The following OXR1 variants were observed in gnomAD, a reference collection of about 807,000 sequenced individuals.
OXR1 encodes oxidation resistance 1.
In OXR1, 41 loss-of-function variants were observed where a neutral mutation model predicts 104.6. The observed-to-expected ratio is 0.39, with a 90% CI of 0.31 to 0.51. The LOEUF (loss-of-function observed/expected upper bound fraction) is 0.51, where lower values mean the gene tolerates loss of function less well. OXR1 is among the 20% of genes least tolerant of loss of function. The probability of loss-of-function intolerance (pLI) is 0.77; values close to 1 mark genes in which losing one functional copy is unlikely to be tolerated. For missense variants in OXR1, 955 were observed against 1,031.9 expected (o/e 0.93, Z 1.02); for synonymous variants, 348 against 348.4 (o/e 1.00, Z 0.01).
rs370391252 is a variant in OXR1, at chr8:106,373,569, C to T, written c.23+13933C>T. Among the ~76,000 whole-genome samples, 273 of 152,246 alleles carry T rather than the reference C, an allele frequency of 1.8e-3. No homozygotes were observed. In the Middle Eastern group the frequency reaches 0.02, roughly 11 times the overall value. ...GTAAAATATGGTTTCTTCTATGGTA[C>T]TGGTTATAGATGGAAGATAGGGTGT... On this transcript the variant is annotated intron_variant, in intron 2 of 16. Coordinates refer to ENST00000517566, the MANE Select transcript of OXR1 (RefSeq NM_001198533.2).
At chr8:106,698,024 G>A (rs1830228573) in intron 7 of OXR1, 1 of 1,601,694 alleles carries the variant, frequency 6.2e-7, no homozygotes, top group South Asian at 1.1e-5. Context: ...TCCAATGGGT[G>A]GCGGTGGCTG....
intron 2 of OXR1, among the ~76,000 whole-genome samples, chr8:106,421,215 T>C (rs1818891357): frequency 6.6e-6 from 1 of 152,128 alleles, no homozygotes; most frequent in African/African-American, 2.4e-5. Flanking sequence ...ACACATTCTA[T>C]AGAACACTAG....
intron 3 of OXR1, among the ~76,000 whole-genome samples, chr8:106,591,788 C>G (rs1035896950): frequency 6.6e-6 from 1 of 152,196 alleles, no homozygotes; most frequent in Non-Finnish European, 1.5e-5. Flanking sequence ...GAATTGAAAA[C>G]TCCATTTTTA....
At chr8:106,522,283 G>A (rs1813318280) in intron 3 of OXR1, among the ~76,000 whole-genome samples, 1 of 152,050 alleles carries the variant, frequency 6.6e-6, no homozygotes, top group Non-Finnish European at 1.5e-5. Flanking sequence ...ATATAAAATG[G>A]CATAATATAT....
At chr8:106,406,720 C>T (rs1395859332) in intron 2 of OXR1, among the ~76,000 whole-genome samples, 1 of 152,016 alleles carries the variant, frequency 6.6e-6, no homozygotes, top group Non-Finnish European at 1.5e-5. Flanking sequence ...AGGTAGAGTA[C>T]AGAGGATTTT....
Position 106,692,801 on chromosome 8 carries a change from C to A in OXR1, c.599C>A (p.Ser200Tyr), listed in dbSNP as rs374941746. The change falls in exon 7 of 17, where the codon TCT (serine) becomes TAT (tyrosine). Residue 200 changes from serine (S) to tyrosine (Y), a missense_variant. By Grantham distance (144) the Ser-to-Tyr change is moderately radical. Coordinates refer to ENST00000517566, the MANE Select transcript of OXR1 (RefSeq NM_001198533.2). ...FTGIRPARVV[S>Y]STSEEEEAFT... ...GGTATTCGACCTGCACGAGTTGTAT[C>A]TTCAACTTCTGAGGAGGAGGAAGCA... The A allele has an allele frequency of 6.2e-7, 1 of 1,601,834 alleles. No individual in the cohort carries two copies. Among genetic ancestry groups the A allele is most frequent in the Non-Finnish European group, 8.5e-7 (1 of 1,171,264 alleles).
intron 1 of OXR1, among the ~76,000 whole-genome samples, chr8:106,302,902 C>T (rs1229288379): frequency 6.6e-6 from 1 of 151,596 alleles, no homozygotes; most frequent in Non-Finnish European, 1.5e-5. Context: ...CAGGCGCCCG[C>T]CACCAGGCCC....
intron 1 of OXR1, among the ~76,000 whole-genome samples, chr8:106,275,649 A>G (rs1812006277): frequency 1.3e-5 from 2 of 152,190 alleles, no homozygotes; most frequent in Admixed American, 1.3e-4. Flanking sequence ...AATATTGATA[A>G]GATGGCAGCT....
intron 2 of OXR1, among the ~76,000 whole-genome samples, chr8:106,394,239 C>G (rs1376634730): frequency 6.7e-6 from 1 of 150,090 alleles, no homozygotes; most frequent in Non-Finnish European, 1.5e-5. Context: ...AAGATGAAAT[C>G]TTTAAAATTA....
At chr8:106,347,285 T>C (rs528170620) in intron 1 of OXR1, among the ~76,000 whole-genome samples, 1 of 152,340 alleles carries the variant, frequency 6.6e-6, no homozygotes, top group Admixed American at 6.5e-5. Context: ...TTGTGATCCG[T>C]ATTTGTGAAA....
At chr8:106,447,884 C>A in intron 2 of OXR1, 1 of 1,493,988 alleles carries the variant, frequency 6.7e-7, no homozygotes, top group Non-Finnish European at 8.9e-7. Context: ...AGCCCCACCC[C>A]CCAACAGCCG....
intron 1 of OXR1, among the ~76,000 whole-genome samples, chr8:106,291,219 A>C (rs1812737192): frequency 6.6e-6 from 1 of 152,204 alleles, no homozygotes; most frequent in Non-Finnish European, 1.5e-5. Context: ...TTCACTTATA[A>C]ATTGGAGCTA....
chr8:106,427,222 A>T (rs983843854), intron 2 of OXR1, among the ~76,000 whole-genome samples: 2 of 152,052 alleles, frequency 1.3e-5, no homozygotes, highest in Non-Finnish European at 2.9e-5. Context: ...CCCAGGCTGG[A>T]GTGCAGTGGC....
intron 9 of OXR1, among the ~76,000 whole-genome samples, chr8:106,710,041 C>T (rs1349173615): frequency 7.9e-5 from 12 of 152,038 alleles, no homozygotes; most frequent in South Asian, 2.1e-4. Context: ...TATATTCAGA[C>T]CCTCAGTATA....
intron 3 of OXR1, among the ~76,000 whole-genome samples, chr8:106,585,096 C>T (rs1292338181): frequency 6.6e-6 from 1 of 152,002 alleles, no homozygotes. Flanking sequence ...ATGGTTATTC[C>T]TTCATCATCT....
At position 106,594,500 on chromosome 8, in the gene OXR1, C is replaced by CT. The variant is rs202091666; in HGVS notation, c.220+75362dup. ...AGCCTTGGGAACCCACCCTTAACTG[C>CT]TGCTTTTGTTTTCAGAACCTTATTA... On this transcript the variant is annotated intron_variant, in intron 3 of 16. Transcript: ENST00000517566. Among the ~76,000 whole-genome samples the CT allele has an allele frequency of 8.7e-3, 1,318 of 152,288 alleles. 15 individuals carry two copies. Among genetic ancestry groups the CT allele is most frequent in the South Asian group, 0.05 (240 of 4,814 alleles).
chr8:106,737,544 C>T lies in OXR1; in HGVS notation c.1981C>T (p.Arg661Cys), dbSNP rs867407229. 5.0e-6 allele frequency: 7 copies of T among 1,412,630 alleles called. No homozygotes were observed. The highest frequency in any genetic ancestry group is 6.5e-6 in the Non-Finnish European group (7 of 1,072,978). The allele number at this position is 1,412,630 out of a possible 1,614,324, so 87.5% of individuals were successfully genotyped here. The change falls in exon 12 of 17, where the codon CGC becomes TGC. Residue 661 changes from arginine to cysteine, a missense_variant. Arg to Cys is a radical substitution (Grantham distance 180). This residue lies in a region of OXR1 where 849 missense variants were observed against 852.9 expected (regional missense o/e 1.00). Coordinates refer to ENST00000517566, the MANE Select transcript of OXR1 (RefSeq NM_001198533.2). ...WEVVSVAEYH[R>C]RIDALNTEEL... The stretch of plus-strand genomic sequence containing the variant: ...GGTAGTGTCAGTGGCTGAGTATCAC[C>T]GCAGGATCGATGCTCTAAATACTGA...
chr8:106,545,877 T>C lies in OXR1; in HGVS notation c.220+26738T>C, dbSNP rs531922143. ...CAGTTGTGGTGGTGCACAGCTGTAG[T>C]CCCTGCTACTCCGGAGGCTAAGGCA... On this transcript the variant is annotated intron_variant, in intron 3 of 16. Coordinates refer to ENST00000517566, the MANE Select transcript of OXR1 (RefSeq NM_001198533.2). 2.5e-4 allele frequency among the ~76,000 whole-genome samples: 38 copies of C among 151,956 alleles called. No homozygotes were observed. The East Asian group carries it at 7.0e-3, about 28-fold the overall frequency.
chr8:106,567,761 A>G (rs1308633264), intron 3 of OXR1, among the ~76,000 whole-genome samples: 1 of 152,188 alleles, frequency 6.6e-6, no homozygotes, highest in Non-Finnish European at 1.5e-5. Context: ...AATAATTTTT[A>G]AATAATTTTC....
Sources: allele counts gnomAD v4.1 joint callset (sites outside exome capture counted in the v4.1 genomes callset), GRCh38; gene constraint gnomAD v4.1.1; regional missense constraint gnomAD v4.1.1; transcripts MANE v1.5; gene names NCBI Gene and HGNC (gene_info 2026-07-23, HGNC 2026-07-21).